Variants in NUP210 observed in about 807,000 individuals in gnomAD.
NUP210 encodes nucleoporin 210.
A neutral mutation model predicts 196.0 loss-of-function variants in NUP210; 151 were observed. That is an observed-to-expected ratio of 0.77 (90% CI 0.67 to 0.88). The LOEUF (loss-of-function observed/expected upper bound fraction) is 0.88. NUP210 is among the 40% of genes least tolerant of loss of function. The probability of loss-of-function intolerance (pLI) is 0.00; values close to 1 mark genes in which losing one functional copy is unlikely to be tolerated. For missense variants in NUP210, 2,314 were observed against 2,493.7 expected, an observed-to-expected ratio of 0.93 and a Z score of 1.53; for synonymous variants, 1,070 against 1,052.7, an observed-to-expected ratio of 1.02 and a Z score of -0.32.
chr3:13,376,764 C>G (rs1341225502), intron 9 of NUP210, among the ~76,000 whole-genome samples: 5 of 152,162 alleles, frequency 3.3e-5, no homozygotes, highest in Non-Finnish European at 1.5e-5. Context: ...GACATCACGT[C>G]CCCTACAGCT....
In NUP210 at chr3:13,420,228, C is replaced by T. The variant is rs951184509; in HGVS notation, c.-2G>A. 1 of 1,126,786 alleles carries T rather than the reference C, an allele frequency of 8.9e-7. No individual in the cohort carries two copies. The highest frequency in any genetic ancestry group is 1.6e-5 in the African/African-American group (1 of 60,846). 69.8% of individuals were successfully genotyped at this position (1,126,786 alleles called of 1,614,324 possible). On this transcript the variant is annotated 5_prime_UTR_variant, in exon 1 of 40. Transcript: ENST00000254508. The surrounding 1 kb of genome is among the most constrained non-coding windows in gnomAD (Gnocchi z 4.8). ...CAGCCCCCGGCCCCGCGCCGCCATC[C>T]TCGCCGCGCGTCACCTCCCGCGACC...
intron 36 of NUP210, among the ~76,000 whole-genome samples, chr3:13,320,214 C>T (rs1696464448): frequency 6.6e-6 from 1 of 152,092 alleles, no homozygotes; most frequent in Non-Finnish European, 1.5e-5. Flanking sequence ...TCATGGACGG[C>T]GTGTACTCTG....
At position 13,358,399 on chromosome 3, in the gene NUP210, G is replaced by C. The variant is rs763686680; in HGVS notation, c.2155-4C>G. On this transcript the variant is annotated splice_region_variant and splice_polypyrimidine_tract_variant and intron_variant, in intron 15 of 39. Transcript: ENST00000254508. ...TCCCCACCGACAGGGCGATGACCTG[G>C]TAGGGCACAGTGAACAGTCAGACCC... 1 of 1,604,856 alleles carries C rather than the reference G, an allele frequency of 6.2e-7. No individual in the cohort carries two copies. Among genetic ancestry groups the C allele is most frequent in the East Asian group, 2.2e-5 (1 of 44,756 alleles).
At chr3:13,412,074 G>C (rs1700191437) in intron 1 of NUP210, among the ~76,000 whole-genome samples, 1 of 149,844 alleles carries the variant, frequency 6.7e-6, no homozygotes. Flanking sequence ...TTTTTTAATA[G>C]ACAGGCTCTC....
chr3:13,399,123 G>A (rs562612421), intron 2 of NUP210, among the ~76,000 whole-genome samples: 4 of 151,992 alleles, frequency 2.6e-5, no homozygotes, highest in Admixed American at 2.0e-4. Context: ...AAAATTAGCC[G>A]GGTGTGGTGG....
chr3:13,356,600 G>A (rs113679158), intron 16 of NUP210, among the ~76,000 whole-genome samples: 5,205 of 152,216 alleles, frequency 0.034, 127 homozygotes, highest in South Asian at 0.075. Flanking sequence ...CCGAGATTGC[G>A]CCACTGCACT....
chr3:13,353,221 G>A (rs1698042290), intron 18 of NUP210, among the ~76,000 whole-genome samples: 1 of 152,142 alleles, frequency 6.6e-6, no homozygotes, highest in South Asian at 2.1e-4. Flanking sequence ...TGGGAATACA[G>A]TTACAGTCCC....
chr3:13,384,162 C>T (rs563443245), intron 6 of NUP210, among the ~76,000 whole-genome samples: 29 of 152,122 alleles, frequency 1.9e-4, no homozygotes, highest in South Asian at 1.0e-3. Flanking sequence ...GGGGTTTCAC[C>T]ATGTTGGTCA....
chr3:13,323,009 G>A lies in NUP210; in HGVS notation c.4768+300C>T, dbSNP rs1318973344. Among the ~76,000 whole-genome samples, 3 of 152,162 alleles carry A rather than the reference G, an allele frequency of 2.0e-5. No homozygotes were observed. The highest frequency in any genetic ancestry group is 7.2e-5 in the African/African-American group (3 of 41,438). On this transcript the variant is annotated intron_variant, in intron 34 of 39. Coordinates refer to ENST00000254508, the MANE Select transcript of NUP210 (RefSeq NM_024923.4). This position sits in a 1 kb window ranked among gnomAD's most constrained non-coding sequence, Gnocchi z 4.3. Reference sequence around the variant, plus strand: ...TAATTCATTAGTTTCTGGGATTCACGGTGGGAAATTGTGGCTTTCTTTGCT... The same window carrying A: ...TAATTCATTAGTTTCTGGGATTCACAGTGGGAAATTGTGGCTTTCTTTGCT...
chr3:13,405,651 A>G (rs747874263), intron 1 of NUP210, among the ~76,000 whole-genome samples: 1 of 152,196 alleles, frequency 6.6e-6, no homozygotes, highest in African/African-American at 2.4e-5. Context: ...GAGAAGGGCA[A>G]CTGAGGAAAG....
intron 20 of NUP210, 194 bp downstream of exon 20, chr3:13,351,685 T>C (rs1559323373): frequency 3.7e-6 from 2 of 547,062 alleles, no homozygotes; most frequent in Admixed American, 7.0e-5. Context: ...TTTGTAGAGA[T>C]GGGGGTCTCA....
chr3:13,390,687 A>G lies in NUP210; in HGVS notation c.533+524T>C, dbSNP rs368318452. ...GCCTCTCCAAGTCTCAGCCTCCACA[A>G]CTACTCGATGGAGAGCACAGTGGTG... On this transcript the variant is annotated intron_variant, in intron 4 of 39. Coordinates refer to ENST00000254508, the MANE Select transcript of NUP210 (RefSeq NM_024923.4). Among the ~76,000 whole-genome samples, 18 of 152,328 alleles carry G rather than the reference A, an allele frequency of 1.2e-4. No individual in the cohort carries two copies. In the East Asian group the frequency reaches 3.3e-3, roughly 28 times the overall value.
rs1283310370 is a variant in NUP210 at position 13,350,724 on chromosome 3, C to T, written c.2835+1155G>A. Among the ~76,000 whole-genome samples, 2 of 143,390 alleles carry T rather than the reference C, an allele frequency of 1.4e-5. No homozygotes were observed. The highest frequency in any genetic ancestry group is 4.0e-4 in the East Asian group (2 of 4,944). 94.1% of individuals were successfully genotyped at this position (143,390 alleles called of 152,430 possible). ...TTTTTTTTTTTTTGAGATGGAGTCT[C>T]GCCCCGTCGCCCAGGCTGGAGTGCA... On this transcript the variant is annotated intron_variant, in intron 20 of 39. Coordinates refer to ENST00000254508, the MANE Select transcript of NUP210 (RefSeq NM_024923.4). This position sits in a 1 kb window ranked among gnomAD's most constrained non-coding sequence, Gnocchi z 4.1.
Position 13,339,716 on chromosome 3 carries a change from C to T in NUP210, c.3471+138G>A, listed in dbSNP as rs181498628. ...TTGGCAGGGCTGTCCTGCACCAGGG[C>T]CCCTGCAGTGACTGCAGACCCAGGG... On this transcript the variant is annotated intron_variant, in intron 25 of 39. Transcript: ENST00000254508. The T allele has an allele frequency of 7.4e-5, 56 of 753,250 alleles. No individual in the cohort carries two copies. In the East Asian group the frequency reaches 1.2e-3, roughly 16 times the overall value. 46.7% of individuals were successfully genotyped at this position (753,250 alleles called of 1,614,324 possible).
intron 9 of NUP210, among the ~76,000 whole-genome samples, chr3:13,377,130 A>C (rs1269129140): frequency 6.6e-6 from 1 of 152,168 alleles, no homozygotes; most frequent in African/African-American, 2.4e-5. Flanking sequence ...TGAGGTCCCC[A>C]GCTTGGGGAA....
chr3:13,372,050 G>A lies in NUP210; in HGVS notation c.1588-18C>T. The A allele has an allele frequency of 6.5e-7, 1 of 1,545,084 alleles. No individual in the cohort carries two copies. The highest frequency in any genetic ancestry group is 8.8e-7 in the Non-Finnish European group (1 of 1,141,562). On this transcript the variant is annotated intron_variant, in intron 12 of 39. Coordinates refer to ENST00000254508, the MANE Select transcript of NUP210 (RefSeq NM_024923.4). Reference sequence around the variant, plus strand: ...ACATACACCTGGAAGACAGGGGCATGGCCTGGGCTCAGCTGCCTCCACAGG... The same window carrying A: ...ACATACACCTGGAAGACAGGGGCATAGCCTGGGCTCAGCTGCCTCCACAGG...
At chr3:13,398,603 C>T (rs982458228) in intron 2 of NUP210, among the ~76,000 whole-genome samples, 3 of 152,176 alleles carry the variant, frequency 2.0e-5, no homozygotes, top group Admixed American at 1.3e-4. Flanking sequence ...CAAGGGAATG[C>T]TTATAGGACA....
At chr3:13,410,480 T>C (rs1700133080) in intron 1 of NUP210, among the ~76,000 whole-genome samples, 1 of 148,372 alleles carries the variant, frequency 6.7e-6, no homozygotes, top group African/African-American at 2.5e-5. Flanking sequence ...GCCTGGCCAA[T>C]ACTGATTTTT....
At position 13,318,432 on chromosome 3, in the gene NUP210, C is replaced by A. The variant is rs930243124; in HGVS notation, c.5563+640G>T. 2.6e-5 allele frequency among the ~76,000 whole-genome samples: 4 copies of A among 152,152 alleles called. 1 individual carries two copies. Among genetic ancestry groups the A allele is most frequent in the African/African-American group, 9.7e-5 (4 of 41,432 alleles). ...TCTTCTTTCAAAAAAATTCAGGGAC[C>A]CCCCTGAAGCCGGTCCATGGGCCCC... is the stretch of plus-strand genomic sequence containing the variant. On this transcript the variant is annotated intron_variant, in intron 39 of 39. Coordinates refer to ENST00000254508, the MANE Select transcript of NUP210 (RefSeq NM_024923.4).
Sources: gnomAD v4.1 joint callset for allele counts (sites outside exome capture counted in the v4.1 genomes callset) on GRCh38, gnomAD v4.1.1 for gene constraint, Gnocchi (gnomAD v3.1) non-coding constraint, MANE v1.5 for transcripts, NCBI Gene and HGNC (gene_info 2026-07-23, HGNC 2026-07-21) for gene names.